FNTB: variants seen among roughly 807,000 people sequenced by gnomAD.
The protein encoded by FNTB is protein farnesyltransferase subunit beta.
Under a neutral mutation model 59.4 loss-of-function variants are expected in FNTB, and 27 were observed. The observed-to-expected ratio is 0.45, with a 90% CI of 0.34 to 0.63. The LOEUF (loss-of-function observed/expected upper bound fraction) is 0.63. Ranked by LOEUF, FNTB falls within the 20% of genes least tolerant of loss-of-function variation. The pLI, the probability that FNTB is intolerant of heterozygous loss-of-function variation, is 0.02. For missense variants in FNTB, 449 were observed against 559.6 expected (o/e 0.80, Z 1.99); for synonymous variants, 230 against 220.7 (o/e 1.04, Z -0.37).
chr14:65,030,850 C>A lies in FNTB; in HGVS notation c.606-1760C>A, dbSNP rs969040755. On this transcript the variant is annotated intron_variant, in intron 6 of 11. Coordinates refer to ENST00000246166, the MANE Select transcript of FNTB (RefSeq NM_002028.4). The surrounding 1 kb of genome is among the most constrained non-coding windows in gnomAD (Gnocchi z 4.5). ...TGAGATGGAGTTTCTTTCTGTTGCCCAGGCAGGAGCGCAGTGGTGGGATCT... is the reference window on the plus strand; with the variant it reads ...TGAGATGGAGTTTCTTTCTGTTGCCAAGGCAGGAGCGCAGTGGTGGGATCT... 1.3e-5 allele frequency among the ~76,000 whole-genome samples: 2 copies of A among 152,060 alleles called. No individual in the cohort carries two copies. The highest frequency in any genetic ancestry group is 4.8e-5 in the African/African-American group (2 of 41,408).
rs1566862997 is a variant in FNTB, at chr14:65,001,893, GTAT to G, written c.145-2352_145-2350del. Among the ~76,000 whole-genome samples, 1 of 152,190 alleles carries G rather than the reference GTAT, an allele frequency of 6.6e-6. No homozygotes were observed. The highest frequency in any genetic ancestry group is 6.5e-5 in the Admixed American group (1 of 15,282). ...TGGTGACGTCAGTCTGTTTTTTGAA[GTAT>G]TATAACCTTTTAAACAGATCATCCT... On this transcript the variant is annotated intron_variant, in intron 1 of 11. Transcript: ENST00000246166. The surrounding 1 kb of genome is among the most constrained non-coding windows in gnomAD (Gnocchi z 5.5).
chr14:65,061,422 A>G lies in FNTB; in HGVS notation c.*110A>G. On this transcript the variant is annotated 3_prime_UTR_variant, in exon 12 of 12. Coordinates refer to ENST00000246166, the MANE Select transcript of FNTB (RefSeq NM_002028.4). ...GCTACACAAGCCTTAGCCTCAGTGG[A>G]GCTGTGGTTCTCTTGGTACTTTCTT... is the stretch of plus-strand genomic sequence containing the variant. 1 of 1,479,010 alleles carries G rather than the reference A, an allele frequency of 6.8e-7. No individual in the cohort carries two copies. The highest frequency in any genetic ancestry group is 9.0e-7 in the Non-Finnish European group (1 of 1,109,658). The allele number at this position is 1,479,010 out of a possible 1,614,324, so 91.6% of individuals were successfully genotyped here. A position where few individuals can be genotyped will look rare whatever the true frequency, so the allele number is the denominator to read the frequency against.
intron 1 of FNTB, among the ~76,000 whole-genome samples, chr14:65,002,706 C>T (rs2061536526): frequency 6.6e-6 from 1 of 152,122 alleles, no homozygotes; most frequent in Non-Finnish European, 1.5e-5. Context: ...GGGAAGAATC[C>T]TCAAATCCCT....
chr14:65,006,181 T>C (rs781732654), intron 2 of FNTB: 1 of 1,591,968 alleles, frequency 6.3e-7, no homozygotes, highest in South Asian at 1.1e-5. Flanking sequence ...TTTGCCACCA[T>C]TTCCTTAAGA....
rs116721284 is a variant in FNTB at position 64,998,276 on chromosome 14, G to A, written c.145-5973G>A. Among the ~76,000 whole-genome samples, 205 of 152,282 alleles carry A rather than the reference G, an allele frequency of 1.3e-3. 1 individual carries two copies. Among genetic ancestry groups the A allele is most frequent in the African/African-American group, 4.9e-3 (205 of 41,572 alleles). ...CCTTCAACCTAAATTAACAGACAGA[G>A]GCTCTCTAAAAGAACATGACACTTA... On this transcript the variant is annotated intron_variant, in intron 1 of 11. Transcript: ENST00000246166.
At position 64,987,199 on chromosome 14, in the gene FNTB, A is replaced by T. The variant is rs546522332; in HGVS notation, c.144+102A>T. On this transcript the variant is annotated intron_variant, in intron 1 of 11. Coordinates refer to ENST00000246166, the MANE Select transcript of FNTB (RefSeq NM_002028.4). ...GTGCGGAACTCACCGGGGAACTACG[A>T]CTCCCACAGCGCACCGCGGTGCCTT... 6 of 1,364,358 alleles carry T rather than the reference A, an allele frequency of 4.4e-6. No homozygotes were observed. In the African/African-American group the frequency reaches 7.2e-5, roughly 16 times the overall value. 84.5% of individuals were successfully genotyped at this position (1,364,358 alleles called of 1,614,324 possible).
At chr14:65,002,866 G>A (rs996014395) in intron 1 of FNTB, among the ~76,000 whole-genome samples, 3 of 152,280 alleles carry the variant, frequency 2.0e-5, no homozygotes, top group East Asian at 1.9e-4. Flanking sequence ...CTGTTCCTTT[G>A]TGGGGGTTTT....
intron 7 of FNTB, among the ~76,000 whole-genome samples, chr14:65,033,415 A>G (rs541751571): frequency 6.6e-5 from 10 of 152,374 alleles, no homozygotes; most frequent in African/African-American, 2.2e-4. Flanking sequence ...AGGAAATGAG[A>G]TAAGTCTGCA....
chr14:65,026,016 C>T (rs7148820), intron 4 of FNTB, among the ~76,000 whole-genome samples: 46 of 152,180 alleles, frequency 3.0e-4, no homozygotes, highest in African/African-American at 1.1e-3. Context: ...AAATCGAAAG[C>T]AATTAAATGT....
At chr14:65,020,200 G>A (rs1018325604) in intron 4 of FNTB, among the ~76,000 whole-genome samples, 9 of 152,200 alleles carry the variant, frequency 5.9e-5, no homozygotes, top group Admixed American at 3.9e-4. Context: ...TGCTATGACC[G>A]CTGACCAAAG....
chr14:64,987,553 A>T (rs1244114871), intron 1 of FNTB: 1 of 169,170 alleles, frequency 5.9e-6, no homozygotes, highest in African/African-American at 2.4e-5. Flanking sequence ...TTTTTGACCT[A>T]CAGTGCCAGG....
rs1380199224 is a variant in FNTB, at chr14:65,027,317, A to T, written c.375-136A>T. 84 of 1,379,062 alleles carry T rather than the reference A, an allele frequency of 6.1e-5. No homozygotes were observed. Among genetic ancestry groups the T allele is most frequent in the Non-Finnish European group, 8.0e-5 (81 of 1,010,562 alleles). The allele number at this position is 1,379,062 out of a possible 1,614,324, so 85.4% of individuals were successfully genotyped here. ...GCCCTTTGGGGAGAGGTTATATTCA[A>T]CAAGTGGGAGGAGAGGTTCCCCTCA... On this transcript the variant is annotated intron_variant, in intron 4 of 11. Coordinates refer to ENST00000246166, the MANE Select transcript of FNTB (RefSeq NM_002028.4). This position sits in a 1 kb window ranked among gnomAD's most constrained non-coding sequence, Gnocchi z 5.7.
chr14:65,036,435 C>T (rs1312729517), intron 7 of FNTB, among the ~76,000 whole-genome samples: 2 of 151,794 alleles, frequency 1.3e-5, no homozygotes, highest in African/African-American at 4.8e-5. Context: ...CGGGGTTTTC[C>T]CATGTTGCCC....
intron 2 of FNTB, among the ~76,000 whole-genome samples, chr14:65,008,540 G>A (rs2061631554): frequency 6.6e-6 from 1 of 152,224 alleles, no homozygotes; most frequent in African/African-American, 2.4e-5. Context: ...GAATCACTGG[G>A]AGAATCTAAT....
At chr14:65,056,829 T>A (rs190162764) in intron 11 of FNTB, among the ~76,000 whole-genome samples, 2 of 152,352 alleles carry the variant, frequency 1.3e-5, no homozygotes, top group Admixed American at 6.5e-5. Context: ...AGAGAATACC[T>A]GAGACTAGGT....
chr14:65,053,006 C>G (rs2062648422), intron 9 of FNTB, among the ~76,000 whole-genome samples: 1 of 152,160 alleles, frequency 6.6e-6, no homozygotes, highest in Non-Finnish European at 1.5e-5. Flanking sequence ...GGGTGCATTT[C>G]AAGAAAGTGA....
intron 4 of FNTB, among the ~76,000 whole-genome samples, chr14:65,026,841 G>A (rs1168529146): frequency 1.3e-5 from 2 of 151,262 alleles, no homozygotes; most frequent in Non-Finnish European, 1.5e-5. Flanking sequence ...CAGCCTGGGC[G>A]ACCGAGGGCA....
chr14:65,057,962 C>T (rs1446839694), intron 11 of FNTB, among the ~76,000 whole-genome samples: 2 of 152,174 alleles, frequency 1.3e-5, no homozygotes, highest in Non-Finnish European at 2.9e-5. Flanking sequence ...GTAGGCAAGT[C>T]CTGTCTGCCT....
Position 65,044,172 on chromosome 14 carries a change from C to T in FNTB, c.823-139C>T, listed in dbSNP as rs2062423343. 2.0e-6 allele frequency: 3 copies of T among 1,464,574 alleles called. No individual in the cohort carries two copies. Among genetic ancestry groups the T allele is most frequent in the African/African-American group, 2.8e-5 (2 of 70,332 alleles). The allele number at this position is 1,464,574 out of a possible 1,614,324, so 90.7% of individuals were successfully genotyped here. On this transcript the variant is annotated intron_variant, in intron 8 of 11. Transcript: ENST00000246166. The surrounding 1 kb of genome is among the most constrained non-coding windows in gnomAD (Gnocchi z 5.5). ...AGTGTGGGGAGGGAAGGAAAGAAAACCAGAGCACCAAAACTAGAGTGCCAA... is the reference window on the plus strand; with the variant it reads ...AGTGTGGGGAGGGAAGGAAAGAAAATCAGAGCACCAAAACTAGAGTGCCAA...
Sources: allele counts gnomAD v4.1 joint callset (sites outside exome capture counted in the v4.1 genomes callset), GRCh38; gene constraint gnomAD v4.1.1; non-coding constraint Gnocchi (gnomAD v3.1); transcripts MANE v1.5; gene names NCBI Gene and HGNC (gene_info 2026-07-23, HGNC 2026-07-21).